Variants in CAMKMT observed in about 807,000 individuals in gnomAD.
The protein encoded by CAMKMT is CaM KMT.
CAMKMT carries 53 observed loss-of-function variants against 48.0 expected under a neutral mutation model. The ratio of observed to expected loss-of-function variants is 1.10; its 90% CI spans 0.89 to 1.39. The LOEUF (loss-of-function observed/expected upper bound fraction) is 1.39, where lower values mean the gene tolerates loss of function less well. Ranked by LOEUF, CAMKMT falls within the 40% of genes most tolerant of loss-of-function variation. The pLI is 0.00. For synonymous variants in CAMKMT, 165 were observed against 152.3 expected, an observed-to-expected ratio of 1.08 and a Z score of -0.61; for missense variants, 428 against 402.7, an observed-to-expected ratio of 1.06 and a Z score of -0.54.
At chr2:44,388,543 G>A (rs981016169) in intron 2 of CAMKMT, among the ~76,000 whole-genome samples, 2 of 152,164 alleles carry the variant, frequency 1.3e-5, no homozygotes, top group African/African-American at 4.8e-5. Flanking sequence ...ATCCGTTGCT[G>A]GTTAACTAGT....
At chr2:44,499,635 T>C (rs965449245) in intron 3 of CAMKMT, among the ~76,000 whole-genome samples, 2 of 152,232 alleles carry the variant, frequency 1.3e-5, no homozygotes, top group Admixed American at 1.3e-4. Context: ...TTGGTACTTG[T>C]CCTGTGACAA....
At chr2:44,739,420 A>G (rs1248265803) in intron 7 of CAMKMT, among the ~76,000 whole-genome samples, 1 of 152,232 alleles carries the variant, frequency 6.6e-6, no homozygotes, top group South Asian at 2.1e-4. Flanking sequence ...GGCCTGAGCA[A>G]CTGGAAAGAT....
At chr2:44,673,024 A>G (rs1455620069) in intron 3 of CAMKMT, among the ~76,000 whole-genome samples, 1 of 152,160 alleles carries the variant, frequency 6.6e-6, no homozygotes, top group Non-Finnish European at 1.5e-5. Flanking sequence ...AATGATCTTA[A>G]TTGTGTATTT....
At chr2:44,564,793 G>A (rs1452914383) in intron 3 of CAMKMT, among the ~76,000 whole-genome samples, 4 of 152,118 alleles carry the variant, frequency 2.6e-5, no homozygotes, top group Non-Finnish European at 5.9e-5. Flanking sequence ...ACCTGCTTTG[G>A]CCCCCCAAAG....
intron 2 of CAMKMT, among the ~76,000 whole-genome samples, chr2:44,384,009 C>T (rs1067442): frequency 0.63 from 96,165 of 152,000 alleles, 30,832 homozygotes; most frequent in Non-Finnish European, 0.67. Flanking sequence ...GATTGCTGGA[C>T]CAAATGGTAG....
intron 3 of CAMKMT, among the ~76,000 whole-genome samples, chr2:44,528,755 C>G (rs1040964408): frequency 1.3e-5 from 2 of 152,104 alleles, no homozygotes; most frequent in Admixed American, 6.6e-5. Context: ...GACTATTCAT[C>G]TTGTTTCTTG....
chr2:44,577,662 G>A lies in CAMKMT; in HGVS notation c.377-126621G>A, dbSNP rs561363566. 2.8e-3 allele frequency among the ~76,000 whole-genome samples: 382 copies of A among 135,032 alleles called. 1 individual carries two copies. Among genetic ancestry groups the A allele is most frequent in the Non-Finnish European group, 4.8e-3 (297 of 62,088 alleles). The allele number at this position is 135,032 out of a possible 152,430, so 88.6% of individuals were successfully genotyped here. A position where few individuals can be genotyped will look rare whatever the true frequency, so the allele number is the denominator to read the frequency against. On this transcript the variant is annotated intron_variant, in intron 3 of 10. Transcript: ENST00000378494. ...AAAGGACGGGGAGGGGGAGAGAGAG[G>A]GAGAGGGAGAGGGAGACAGAGAGGG...
chr2:44,692,498 T>C (rs756472324), intron 3 of CAMKMT, among the ~76,000 whole-genome samples: 2 of 152,240 alleles, frequency 1.3e-5, no homozygotes, highest in Non-Finnish European at 2.9e-5. Flanking sequence ...TCTGAAATGA[T>C]CTTACTTGTG....
chr2:44,629,139 G>T (rs79032733), intron 3 of CAMKMT, among the ~76,000 whole-genome samples: 17 of 152,088 alleles, frequency 1.1e-4, no homozygotes, highest in South Asian at 2.1e-4. Flanking sequence ...TAATATATAC[G>T]TATGTGTCTA....
chr2:44,563,820 G>A (rs955359003), intron 3 of CAMKMT, among the ~76,000 whole-genome samples: 1 of 152,108 alleles, frequency 6.6e-6, no homozygotes, highest in Admixed American at 6.5e-5. Context: ...TTTTTTTATG[G>A]CTGCATAGTA....
intron 3 of CAMKMT, among the ~76,000 whole-genome samples, chr2:44,621,273 A>ATAAAAGAAAATAAAAT (rs1430839241): frequency 6.6e-6 from 1 of 151,436 alleles, no homozygotes; most frequent in African/African-American, 2.4e-5. Context: ...TCTCAAAAAA[A>ATAAAAGAAAATAAAAT]AAAAAAAAAA....
intron 3 of CAMKMT, among the ~76,000 whole-genome samples, chr2:44,604,929 T>G (rs772490154): frequency 2.0e-5 from 3 of 152,084 alleles, no homozygotes; most frequent in Non-Finnish European, 4.4e-5. Flanking sequence ...CCTGAACAAG[T>G]ATTTCTTTCT....
intron 9 of CAMKMT, among the ~76,000 whole-genome samples, chr2:44,760,766 A>T (rs1680585450): frequency 6.6e-6 from 1 of 152,094 alleles, no homozygotes; most frequent in Non-Finnish European, 1.5e-5. Flanking sequence ...CATAGCATAA[A>T]GGGTAGATTG....
chr2:44,445,917 C>A (rs1420443066), intron 3 of CAMKMT, among the ~76,000 whole-genome samples: 4 of 151,958 alleles, frequency 2.6e-5, no homozygotes, highest in African/African-American at 9.7e-5. Flanking sequence ...CTTAGATAGG[C>A]TTCTGACTGC....
intron 3 of CAMKMT, among the ~76,000 whole-genome samples, chr2:44,692,651 C>T (rs543799105): frequency 6.6e-6 from 1 of 151,962 alleles, no homozygotes; most frequent in African/African-American, 2.4e-5. Context: ...ATACCTTGCC[C>T]AAGATCACAG....
At chr2:44,631,526 T>G in intron 3 of CAMKMT, 1 of 616,210 alleles carries the variant, frequency 1.6e-6, no homozygotes, top group Non-Finnish European at 2.9e-6. Flanking sequence ...TTGGTCTTGA[T>G]CTCCTGGACT....
chr2:44,723,603 C>CATAA (rs1470368431), intron 7 of CAMKMT: 3 of 82,846 alleles, frequency 3.6e-5, no homozygotes, highest in African/African-American at 9.0e-5. Context: ...TAAATAAATA[C>CATAA]ATACATAAAT....
intron 3 of CAMKMT, among the ~76,000 whole-genome samples, chr2:44,431,190 T>C (rs1433355113): frequency 6.6e-6 from 1 of 152,220 alleles, no homozygotes; most frequent in African/African-American, 2.4e-5. Flanking sequence ...TACCTGAAGA[T>C]ATTATAAATA....
intron 1 of CAMKMT, among the ~76,000 whole-genome samples, chr2:44,369,464 TG>T (rs1178632189): frequency 6.6e-6 from 1 of 152,152 alleles, no homozygotes; most frequent in African/African-American, 2.4e-5. Flanking sequence ...TAAGCAGAAA[TG>T]GGTTTAGCAT....
Sources: allele counts gnomAD v4.1 joint callset (sites outside exome capture counted in the v4.1 genomes callset), GRCh38; gene constraint gnomAD v4.1.1; transcripts MANE v1.5; gene names NCBI Gene and HGNC (gene_info 2026-07-23, HGNC 2026-07-21).